Variants in CNTNAP2 observed in about 807,000 individuals in gnomAD.
The protein encoded by CNTNAP2 is contactin associated protein 2.
In CNTNAP2, 98 loss-of-function variants were observed where a neutral mutation model predicts 155.2. The ratio of observed to expected loss-of-function variants is 0.63; its 90% CI spans 0.54 to 0.75. The LOEUF (loss-of-function observed/expected upper bound fraction) is 0.75. Among genes scored for constraint, CNTNAP2 ranks in the 30% least tolerant of loss-of-function variants. The pLI is 0.00. For synonymous variants in CNTNAP2, 651 were observed against 631.2 expected, an observed-to-expected ratio of 1.03 and a Z score of -0.47; for missense variants, 1,727 against 1,688.1, an observed-to-expected ratio of 1.02 and a Z score of -0.40.
intron 15 of CNTNAP2, among the ~76,000 whole-genome samples, chr7:148,078,286 A>G (rs1803534230): frequency 6.6e-6 from 1 of 152,044 alleles, no homozygotes; most frequent in South Asian, 2.1e-4. Context: ...CTTGTCTCAA[A>G]CTTCTGGCAT....
intron 3 of CNTNAP2, among the ~76,000 whole-genome samples, chr7:146,875,947 A>AAC (rs1260918639): frequency 1.9e-4 from 28 of 145,532 alleles, no homozygotes; most frequent in African/African-American, 7.3e-4. Flanking sequence ...AAAAAAAAAA[A>AAC]AAAAAAAAAA....
chr7:147,664,162 A>C (rs991757536), intron 13 of CNTNAP2, among the ~76,000 whole-genome samples: 5 of 152,224 alleles, frequency 3.3e-5, no homozygotes, highest in Non-Finnish European at 7.3e-5. Context: ...CAGTTCTCCC[A>C]GTGTGACTAT....
intron 4 of CNTNAP2, among the ~76,000 whole-genome samples, chr7:147,058,797 G>A (rs1799610165): frequency 6.6e-6 from 1 of 152,100 alleles, no homozygotes; most frequent in Admixed American, 6.6e-5. Context: ...AGTAGAGACG[G>A]GGTTTCACCA....
In CNTNAP2 at chr7:148,229,768, A is replaced by G. The variant is rs777789151; in HGVS notation, c.3370A>G (p.Ile1124Val). 8 of 1,614,140 alleles carry G rather than the reference A, an allele frequency of 5.0e-6. No homozygotes were observed. The South Asian group carries it at 7.7e-5, about 16-fold the overall frequency. Residue 1124 changes from isoleucine to valine, a missense_variant, in exon 20 of 24, where the codon ATC (isoleucine) becomes GTC (valine). Coordinates refer to ENST00000361727, the MANE Select transcript of CNTNAP2 (RefSeq NM_014141.6). ...CAACATCACCCGCCACGAGAAGACC[A>G]TCTTTCTCAAGGTATACATACATGT... Reference protein sequence around the residue: ...SVNITRHEKTIFLKLDHYPSV... With the variant: ...SVNITRHEKTVFLKLDHYPSV...
chr7:146,953,755 C>G (rs1797372121), intron 3 of CNTNAP2, among the ~76,000 whole-genome samples: 1 of 151,812 alleles, frequency 6.6e-6, no homozygotes, highest in Non-Finnish European at 1.5e-5. Flanking sequence ...CTAGCAAATG[C>G]CGACTGATTG....
intron 14 of CNTNAP2, chr7:147,940,402 T>C (rs1486107723): frequency 1.4e-5 from 2 of 140,496 alleles, no homozygotes; most frequent in African/African-American, 5.2e-5. Context: ...GAGGAAAAAA[T>C]AAAAAGCAGA....
chr7:147,077,256 T>C (rs1800016873), intron 4 of CNTNAP2, among the ~76,000 whole-genome samples: 1 of 152,164 alleles, frequency 6.6e-6, no homozygotes, highest in Non-Finnish European at 1.5e-5. Flanking sequence ...TTTTTCCTTA[T>C]AAAAGTAACC....
At chr7:147,998,823 A>G (rs34607423) in intron 15 of CNTNAP2, among the ~76,000 whole-genome samples, 1 of 152,058 alleles carries the variant, frequency 6.6e-6, no homozygotes, top group African/African-American at 2.4e-5. Context: ...GTCTGTAGAC[A>G]GTGGGGAGTT....
intron 1 of CNTNAP2, among the ~76,000 whole-genome samples, chr7:146,730,442 A>G (rs1014078796): frequency 2.0e-5 from 3 of 152,190 alleles, no homozygotes; most frequent in Non-Finnish European, 4.4e-5. Flanking sequence ...TGTCCACAAT[A>G]TAATTGAACA....
chr7:148,044,864 C>T (rs888305688), intron 15 of CNTNAP2, among the ~76,000 whole-genome samples: 4 of 152,046 alleles, frequency 2.6e-5, no homozygotes, highest in African/African-American at 7.2e-5. Flanking sequence ...TTTTTGGTTT[C>T]GCTTTGTTTT....
At chr7:146,371,201 G>T (rs1476013526) in intron 1 of CNTNAP2, among the ~76,000 whole-genome samples, 1 of 151,652 alleles carries the variant, frequency 6.6e-6, no homozygotes, top group Non-Finnish European at 1.5e-5. Context: ...GACTACCCTT[G>T]CAAAATGTTA....
At chr7:148,356,893 A>C (rs1325954094) in intron 21 of CNTNAP2, among the ~76,000 whole-genome samples, 2 of 151,086 alleles carry the variant, frequency 1.3e-5, no homozygotes, top group African/African-American at 4.9e-5. Flanking sequence ...CGTCACCATT[A>C]AAAAAACAAA....
At chr7:147,702,186 C>T (rs1340905788) in intron 13 of CNTNAP2, among the ~76,000 whole-genome samples, 2 of 150,466 alleles carry the variant, frequency 1.3e-5, no homozygotes, top group African/African-American at 4.9e-5. Context: ...GATGACATCT[C>T]TCGTCGGATC....
At chr7:147,333,286 C>G (rs559665552) in intron 9 of CNTNAP2, among the ~76,000 whole-genome samples, 1 of 152,144 alleles carries the variant, frequency 6.6e-6, no homozygotes, top group African/African-American at 2.4e-5. Context: ...TGAGAACTCT[C>G]GGCGTTCTGA....
chr7:147,674,818 T>C (rs1795842221), intron 13 of CNTNAP2, among the ~76,000 whole-genome samples: 1 of 152,146 alleles, frequency 6.6e-6, no homozygotes, highest in Non-Finnish European at 1.5e-5. Context: ...GACTCTTTAG[T>C]TGATAACTGA....
At chr7:147,131,187 T>C (rs1002569735) in intron 7 of CNTNAP2, among the ~76,000 whole-genome samples, 3 of 150,832 alleles carry the variant, frequency 2.0e-5, no homozygotes, top group Admixed American at 1.3e-4. Flanking sequence ...CATATACATA[T>C]ACCATACACA....
At chr7:146,733,107 C>T (rs1801554208) in intron 1 of CNTNAP2, among the ~76,000 whole-genome samples, 1 of 152,028 alleles carries the variant, frequency 6.6e-6, no homozygotes, top group South Asian at 2.1e-4. Context: ...GAATGGAAAT[C>T]CTATGCTGGC....
chr7:147,305,453 T>C (rs934260838), intron 9 of CNTNAP2, among the ~76,000 whole-genome samples: 4 of 152,150 alleles, frequency 2.6e-5, no homozygotes, highest in African/African-American at 9.7e-5. Context: ...TTCCCAGAAA[T>C]CCTTGGTTTG....
intron 4 of CNTNAP2, among the ~76,000 whole-genome samples, chr7:147,090,353 T>TGTGTGTG (rs760274084): frequency 7.5e-6 from 1 of 133,506 alleles, no homozygotes; most frequent in African/African-American, 3.8e-5. Flanking sequence ...GTGTGTGTGT[T>TGTGTGTG]ACAATTCTCT....
Sources: gnomAD v4.1 joint callset for allele counts (sites outside exome capture counted in the v4.1 genomes callset) on GRCh38, gnomAD v4.1.1 for gene constraint, MANE v1.5 for transcripts, NCBI Gene and HGNC (gene_info 2026-07-23, HGNC 2026-07-21) for gene names.